Variants in ERP44 observed in about 807,000 individuals in gnomAD.
The protein encoded by ERP44 is endoplasmic reticulum protein 44.
In ERP44, 25 loss-of-function variants were observed where a neutral mutation model predicts 53.4. That is an observed-to-expected ratio of 0.47 (90% CI 0.34 to 0.65). ERP44 has a LOEUF of 0.65. Ranked by LOEUF, ERP44 falls within the 30% of genes least tolerant of loss-of-function variation. ERP44 has a pLI of 0.01. For synonymous variants in ERP44, 145 were observed against 161.2 expected, an observed-to-expected ratio of 0.90 and a Z score of 0.76; for missense variants, 338 against 493.2, an observed-to-expected ratio of 0.69 and a Z score of 2.98.
chr9:100,016,394 A>C lies in ERP44; in HGVS notation c.690T>G (p.Phe230Leu), dbSNP rs151032851. The C allele has an allele frequency of 3.3e-3, 5,311 of 1,612,676 alleles. 24 individuals are homozygous for C. Among genetic ancestry groups the C allele is most frequent in the South Asian group, 6.7e-3 (608 of 90,654 alleles). Residue 230 changes from phenylalanine (F) to leucine (L), a missense_variant, in exon 8 of 12, where the codon TTT becomes TTG. Transcript: ENST00000262455. ...CTTGAATCCAATTGTAAGTCACATC[A>C]AAATTTGTCATAGCTCCCAAGTACA... ...DMVYLGAMTN[F>L]DVTYNWIQDK...
intron 8 of ERP44, among the ~76,000 whole-genome samples, chr9:100,010,943 G>A (rs1200647814): frequency 2.0e-5 from 3 of 151,194 alleles, no homozygotes; most frequent in South Asian, 2.1e-4. Flanking sequence ...AGAAAGCCAG[G>A]ACATTCATTT....
At chr9:100,045,431 T>G (rs924154574) in intron 4 of ERP44, among the ~76,000 whole-genome samples, 12 of 152,202 alleles carry the variant, frequency 7.9e-5, no homozygotes, top group Non-Finnish European at 1.3e-4. Flanking sequence ...ACCTTCCACA[T>G]AGCATTACAT....
At chr9:100,065,417 C>T (rs143733519) in intron 1 of ERP44, among the ~76,000 whole-genome samples, 138 of 152,134 alleles carry the variant, frequency 9.1e-4, no homozygotes, top group African/African-American at 3.0e-3. Flanking sequence ...AACATATCCC[C>T]GTCATCATGC....
At chr9:100,071,264 T>C (rs2118735058) in intron 1 of ERP44, among the ~76,000 whole-genome samples, 1 of 152,144 alleles carries the variant, frequency 6.6e-6, no homozygotes, top group East Asian at 1.9e-4. Flanking sequence ...CCAGCAAACA[T>C]ATAACATTCT....
intron 1 of ERP44, among the ~76,000 whole-genome samples, chr9:100,073,233 C>T (rs1826324071): frequency 6.6e-6 from 1 of 151,812 alleles, no homozygotes; most frequent in Non-Finnish European, 1.5e-5. Context: ...CATTCTATAG[C>T]CAAAGAGAAT....
chr9:100,048,710 T>C (rs928847028), intron 4 of ERP44, among the ~76,000 whole-genome samples: 12 of 152,202 alleles, frequency 7.9e-5, no homozygotes, highest in African/African-American at 2.9e-4. Flanking sequence ...TTCTGACGCA[T>C]GCTACAACAC....
chr9:100,018,617 A>G, intron 6 of ERP44, among the ~76,000 whole-genome samples: 1 of 152,192 alleles, frequency 6.6e-6, no homozygotes, highest in East Asian at 1.9e-4. Flanking sequence ...CACATGGACT[A>G]ATTAAAAAAA....
chr9:100,094,885 T>C (rs1364757452), intron 1 of ERP44, among the ~76,000 whole-genome samples: 3 of 151,618 alleles, frequency 2.0e-5, no homozygotes, highest in East Asian at 1.9e-4. Context: ...GGTGAAAGGA[T>C]TGCTTCAGCC....
intron 10 of ERP44, among the ~76,000 whole-genome samples, chr9:99,989,288 G>A (rs971698074): frequency 6.6e-6 from 1 of 152,140 alleles, no homozygotes; most frequent in Non-Finnish European, 1.5e-5. Flanking sequence ...AGTAGGAGCC[G>A]ACTGACACCT....
At chr9:100,025,782 AAAT>A (rs1469728303) in intron 4 of ERP44, among the ~76,000 whole-genome samples, 1 of 152,008 alleles carries the variant, frequency 6.6e-6, no homozygotes. Flanking sequence ...TTCTTGGTCA[AAAT>A]AATAATAATA....
intron 1 of ERP44, among the ~76,000 whole-genome samples, chr9:100,090,251 G>A (rs1231818419): frequency 6.6e-6 from 1 of 152,166 alleles, no homozygotes; most frequent in Admixed American, 6.5e-5. Flanking sequence ...CTGGCTAGCT[G>A]ACATTTTACT....
chr9:100,069,228 A>G (rs1324445875), intron 1 of ERP44, among the ~76,000 whole-genome samples: 5 of 151,362 alleles, frequency 3.3e-5, no homozygotes, highest in Admixed American at 2.0e-4. Context: ...CCCTCCCTCC[A>G]TTATTGTCCT....
intron 4 of ERP44, among the ~76,000 whole-genome samples, chr9:100,047,771 A>T (rs1174874597): frequency 6.6e-6 from 1 of 152,180 alleles, no homozygotes; most frequent in Admixed American, 6.5e-5. Flanking sequence ...GACTCAAAGG[A>T]CACAATTAAC....
intron 1 of ERP44, among the ~76,000 whole-genome samples, chr9:100,088,167 A>T (rs992076826): frequency 5.9e-5 from 9 of 152,206 alleles, no homozygotes; most frequent in African/African-American, 1.9e-4. Flanking sequence ...AGCAATTTTT[A>T]AAAAATAAAA....
In ERP44 at chr9:100,009,120, C is replaced by CT. The variant is rs558822980; in HGVS notation, c.763-1432dup. Among the ~76,000 whole-genome samples the CT allele has an allele frequency of 2.8e-4, 42 of 151,370 alleles. 1 individual carries two copies. The South Asian group carries it at 8.0e-3, about 29-fold the overall frequency. The stretch of plus-strand genomic sequence containing the variant: ...GCAAACATCACCACTAATTCTAGAG[C>CT]TTTTTTTTTGAGACGGAGTCTCACT... On this transcript the variant is annotated intron_variant, in intron 8 of 11. Transcript: ENST00000262455.
chr9:100,062,094 A>T (rs968641874), intron 1 of ERP44, among the ~76,000 whole-genome samples: 2 of 152,200 alleles, frequency 1.3e-5, no homozygotes, highest in African/African-American at 4.8e-5. Flanking sequence ...GGACACAGAG[A>T]TACCAAGAAG....
intron 1 of ERP44, among the ~76,000 whole-genome samples, chr9:100,079,610 TA>T: frequency 6.6e-6 from 1 of 152,246 alleles, no homozygotes; most frequent in African/African-American, 2.4e-5. Context: ...TTATAATTTT[TA>T]ATTTTGTTTA....
chr9:100,037,969 C>A (rs1391862775), intron 4 of ERP44, among the ~76,000 whole-genome samples: 11 of 151,986 alleles, frequency 7.2e-5, no homozygotes, highest in Admixed American at 2.6e-4. Flanking sequence ...ACTTTTATCC[C>A]AGAATAGTGG....
At chr9:100,037,468 G>A (rs1174928732) in intron 4 of ERP44, among the ~76,000 whole-genome samples, 1 of 152,130 alleles carries the variant, frequency 6.6e-6, no homozygotes, top group Non-Finnish European at 1.5e-5. Flanking sequence ...AGAGCCAATG[G>A]ACATGGCGGG....
Sources: allele counts gnomAD v4.1 joint callset (sites outside exome capture counted in the v4.1 genomes callset), GRCh38; gene constraint gnomAD v4.1.1; transcripts MANE v1.5; gene names NCBI Gene and HGNC (gene_info 2026-07-23, HGNC 2026-07-21).